SMOC2: variants seen among roughly 807,000 people sequenced by gnomAD.
The protein encoded by SMOC2 is SPARC related modular calcium binding 2.
In SMOC2, 39 loss-of-function variants were observed where a neutral mutation model predicts 61.4. The ratio of observed to expected loss-of-function variants is 0.64; its 90% CI spans 0.49 to 0.83. The LOEUF (loss-of-function observed/expected upper bound fraction) is 0.83. SMOC2 is among the 40% of genes least tolerant of loss of function. The probability of loss-of-function intolerance (pLI) is 0.00; values close to 1 mark genes in which losing one functional copy is unlikely to be tolerated. For synonymous variants in SMOC2, 247 were observed against 239.9 expected (o/e 1.03, Z -0.27); for missense variants, 556 against 592.9 (o/e 0.94, Z 0.65).
In SMOC2 at chr6:168,553,723, C is replaced by T. The variant is rs1784180982; in HGVS notation, c.637+4520C>T. Among the ~76,000 whole-genome samples, 1 of 152,166 alleles carries T rather than the reference C, an allele frequency of 6.6e-6. No individual in the cohort carries two copies. Among genetic ancestry groups the T allele is most frequent in the African/African-American group, 2.4e-5 (1 of 41,440 alleles). ...GCCAAGGAGGGCTCTATCTCTGGGG[C>T]GAGGAGGCATCCAGGCTCACGGGAC... is the stretch of plus-strand genomic sequence containing the variant. On this transcript the variant is annotated intron_variant, in intron 7 of 12. Coordinates refer to ENST00000356284, the MANE Select transcript of SMOC2 (RefSeq NM_001166412.2). The surrounding 1 kb of genome is among the most constrained non-coding windows in gnomAD (Gnocchi z 4.2).
At chr6:168,563,778 C>T (rs2115130106) in intron 7 of SMOC2, among the ~76,000 whole-genome samples, 1 of 152,340 alleles carries the variant, frequency 6.6e-6, no homozygotes, top group East Asian at 1.9e-4. Context: ...AGCCTCTCAA[C>T]TGTGACAAAT....
At chr6:168,547,757 C>T (rs770540804) in intron 6 of SMOC2, among the ~76,000 whole-genome samples, 9 of 151,708 alleles carry the variant, frequency 5.9e-5, no homozygotes, top group East Asian at 3.9e-4. Context: ...CAAGCAGAAA[C>T]GGATTGTGTG....
Position 168,653,246 on chromosome 6 carries a change from C to T in SMOC2, c.1285+18C>T. 1.5e-6 allele frequency: 2 copies of T among 1,329,650 alleles called. No individual in the cohort carries two copies. The highest frequency in any genetic ancestry group is 2.1e-6 in the Non-Finnish European group (2 of 940,414). The allele number at this position is 1,329,650 out of a possible 1,614,324, so 82.4% of individuals were successfully genotyped here. On this transcript the variant is annotated intron_variant, in intron 11 of 12. Transcript: ENST00000356284. The stretch of plus-strand genomic sequence containing the variant: ...ACGCCACAGTAAGAGCTTTCCCACC[C>T]CCGACCCTGGGCAGTGGTCAGGCCC...
chr6:168,549,259 G>C (rs1784076631), intron 7 of SMOC2, 56 bp downstream of exon 7: 2 of 1,547,718 alleles, frequency 1.3e-6, no homozygotes, highest in Non-Finnish European at 8.9e-7. Flanking sequence ...TCTAGAAAAT[G>C]ATGGGGTTTT....
intron 2 of SMOC2, among the ~76,000 whole-genome samples, chr6:168,519,378 C>T (rs1270760662): frequency 6.6e-6 from 1 of 152,194 alleles, no homozygotes; most frequent in Non-Finnish European, 1.5e-5. Flanking sequence ...CCAGCAGACA[C>T]AGTTATCAGA....
chr6:168,446,858 T>C (rs994030978), intron 1 of SMOC2, among the ~76,000 whole-genome samples: 4 of 152,234 alleles, frequency 2.6e-5, no homozygotes, highest in Non-Finnish European at 5.9e-5. Context: ...TTAATTTAAC[T>C]AGATTTTTCA....
chr6:168,660,006 G>A (rs1468556998), intron 11 of SMOC2, among the ~76,000 whole-genome samples: 33 of 151,334 alleles, frequency 2.2e-4, no homozygotes, highest in Non-Finnish European at 2.8e-4. Context: ...TGTTGTCTGG[G>A]TGAGGGTGGA....
At chr6:168,467,332 A>G (rs1202428228) in intron 1 of SMOC2, among the ~76,000 whole-genome samples, 1 of 149,738 alleles carries the variant, frequency 6.7e-6, no homozygotes. Context: ...TCAGAGATGG[A>G]GTCTCGCCCT....
chr6:168,507,105 G>C (rs1346714390), intron 1 of SMOC2, among the ~76,000 whole-genome samples: 2 of 152,102 alleles, frequency 1.3e-5, no homozygotes, highest in Non-Finnish European at 2.9e-5. Flanking sequence ...CCAAATGCCT[G>C]GATGCTGGGT....
chr6:168,629,475 G>A (rs1320538750), intron 9 of SMOC2, among the ~76,000 whole-genome samples: 1 of 152,238 alleles, frequency 6.6e-6, no homozygotes, highest in Non-Finnish European at 1.5e-5. Flanking sequence ...CGGGCTGCCT[G>A]AGCTCTGGAC....
At chr6:168,655,661 G>T (rs989251719) in intron 11 of SMOC2, among the ~76,000 whole-genome samples, 1 of 149,654 alleles carries the variant, frequency 6.7e-6, no homozygotes, top group Non-Finnish European at 1.5e-5. Context: ...CCCCCTGCAC[G>T]TGTGTACTAG....
chr6:168,489,895 A>T (rs895415564), intron 1 of SMOC2, among the ~76,000 whole-genome samples: 1 of 151,948 alleles, frequency 6.6e-6, no homozygotes, highest in East Asian at 1.9e-4. Context: ...AATATATCGA[A>T]TCGTCTGGGT....
At chr6:168,523,759 TTAAACA>T (rs1434849186) in intron 2 of SMOC2, among the ~76,000 whole-genome samples, 3 of 152,102 alleles carry the variant, frequency 2.0e-5, no homozygotes, top group East Asian at 3.9e-4. Flanking sequence ...AATCAAACAG[TTAAACA>T]TAAAGTGTTC....
At chr6:168,633,171 A>G (rs1412774942) in intron 9 of SMOC2, among the ~76,000 whole-genome samples, 2 of 152,238 alleles carry the variant, frequency 1.3e-5, no homozygotes, top group Admixed American at 1.3e-4. Flanking sequence ...ATAATCTGCA[A>G]AATAAACTTC....
chr6:168,464,799 A>C (rs979729157), intron 1 of SMOC2, among the ~76,000 whole-genome samples: 2 of 152,236 alleles, frequency 1.3e-5, no homozygotes, highest in Non-Finnish European at 2.9e-5. Context: ...ACAATTAAAC[A>C]GAAGCATTTG....
rs1258819928 is a variant in SMOC2, at chr6:168,623,569, C to G, written c.907+15330C>G. On this transcript the variant is annotated intron_variant, in intron 9 of 12. Coordinates refer to ENST00000356284, the MANE Select transcript of SMOC2 (RefSeq NM_001166412.2). ...TAGGCTGGTCTTGAACTCCTGACCT[C>G]AAGTGATCCACCCACCTTGGCCTCC... Among the ~76,000 whole-genome samples the G allele has an allele frequency of 2.0e-5, 3 of 151,140 alleles. No individual in the cohort carries two copies. The East Asian group carries it at 5.9e-4, about 30-fold the overall frequency.
At position 168,611,198 on chromosome 6, in the gene SMOC2, ATGTGGCTCCCGTGTCGGGCCTGGC is replaced by A. The variant is rs1351588720; in HGVS notation, c.907+2970_907+2993del. Among the ~76,000 whole-genome samples, 112 of 150,910 alleles carry A rather than the reference ATGTGGCTCCCGTGTCGGGCCTGGC, an allele frequency of 7.4e-4. 1 individual carries two copies. Among genetic ancestry groups the A allele is most frequent in the Middle Eastern group, 3.4e-3 (1 of 290 alleles). Reference sequence around the variant, plus strand: ...GGCCGTGGTGTGTCTGTTGGGCCCTATGTGGCTCCCGTGTCGGGCCTGGCTGTGGCTCCCATGTCTGGCCCTGCT... The same window carrying A: ...GGCCGTGGTGTGTCTGTTGGGCCCTATGTGGCTCCCATGTCTGGCCCTGCT... On this transcript the variant is annotated intron_variant, in intron 9 of 12. Transcript: ENST00000356284.
At chr6:168,487,250 T>G (rs1381624123) in intron 1 of SMOC2, among the ~76,000 whole-genome samples, 1 of 152,162 alleles carries the variant, frequency 6.6e-6, no homozygotes, top group Non-Finnish European at 1.5e-5. Flanking sequence ...CAGCTGCGGA[T>G]GGGGAAAGCT....
Position 168,510,109 on chromosome 6 carries a change from A to G in SMOC2, c.256+23A>G, listed in dbSNP as rs536253099. 5.0e-6 allele frequency: 8 copies of G among 1,607,536 alleles called. No individual in the cohort carries two copies. The South Asian group carries it at 8.8e-5, about 18-fold the overall frequency. On this transcript the variant is annotated intron_variant, in intron 2 of 12. Transcript: ENST00000356284. ...AAGGTAAGCTGCTGTTTGATCATTC[A>G]TCCAAAGATGGGTACATCCATCATC...
Sources: gnomAD v4.1 joint callset for allele counts (sites outside exome capture counted in the v4.1 genomes callset) on GRCh38, gnomAD v4.1.1 for gene constraint, Gnocchi (gnomAD v3.1) non-coding constraint, MANE v1.5 for transcripts, NCBI Gene and HGNC (gene_info 2026-07-23, HGNC 2026-07-21) for gene names.